Variants in TMPRSS11D observed in about 807,000 individuals in gnomAD.
TMPRSS11D encodes the protein transmembrane protease serine 11D.
A neutral mutation model predicts 44.4 loss-of-function variants in TMPRSS11D; 32 were observed. That is an observed-to-expected ratio of 0.72 (90% CI 0.54 to 0.97). The LOEUF is 0.97. TMPRSS11D is among the 50% of genes least tolerant of loss of function. The pLI, the probability that TMPRSS11D is intolerant of heterozygous loss-of-function variation, is 0.00. For missense variants in TMPRSS11D, 446 were observed against 502.6 expected (o/e 0.89, Z 1.08); for synonymous variants, 179 against 177.9 (o/e 1.01, Z -0.05).
At position 67,821,841 on chromosome 4, in the gene TMPRSS11D, A is replaced by G. The variant is rs1022096936; in HGVS notation, c.*496T>C. ...GACTCATACTAAGTATAAGATATTG[A>G]GTAACCAAAAATTTTAAATACATAT... On this transcript the variant is annotated 3_prime_UTR_variant, in exon 10 of 10. Transcript: ENST00000283916. The G allele has an allele frequency of 1.3e-5, 2 of 153,082 alleles. No homozygotes were observed. Among genetic ancestry groups the G allele is most frequent in the Non-Finnish European group, 2.9e-5 (2 of 68,670 alleles). The allele number at this position is 153,082 out of a possible 1,614,324, so 9.5% of individuals were successfully genotyped here.
intron 6 of TMPRSS11D, among the ~76,000 whole-genome samples, chr4:67,834,073 G>A (rs917613025): frequency 2.6e-5 from 4 of 152,162 alleles, no homozygotes; most frequent in Admixed American, 6.5e-5. Flanking sequence ...CAAAGAGCTC[G>A]TGAATAGTCT....
intron 5 of TMPRSS11D, among the ~76,000 whole-genome samples, chr4:67,836,326 T>G (rs1718088207): frequency 6.6e-6 from 1 of 152,184 alleles, no homozygotes; most frequent in Admixed American, 6.6e-5. Context: ...TTAGCTCATA[T>G]CCTTCCTTGA....
intron 6 of TMPRSS11D, among the ~76,000 whole-genome samples, chr4:67,834,524 A>G (rs1718027710): frequency 6.9e-6 from 1 of 144,772 alleles, no homozygotes; most frequent in African/African-American, 2.7e-5. Context: ...TTTTTTGGTC[A>G]GAGAAGTAAG....
Position 67,835,187 on chromosome 4 carries a change from T to G in TMPRSS11D, c.476-66A>C. On this transcript the variant is annotated intron_variant, in intron 5 of 9. Transcript: ENST00000283916. ...CTGATATCATTTCACCATAATTTCT[T>G]AAAGTACAGTACCCAGACAACAAGA... The G allele has an allele frequency of 2.1e-6, 3 of 1,410,306 alleles. No homozygotes were observed. The South Asian group carries it at 3.5e-5, about 17-fold the overall frequency. 87.4% of individuals were successfully genotyped at this position (1,410,306 alleles called of 1,614,324 possible). A position where few individuals can be genotyped will look rare whatever the true frequency, so the allele number is the denominator to read the frequency against.
intron 7 of TMPRSS11D, among the ~76,000 whole-genome samples, chr4:67,830,601 C>T (rs1402428071): frequency 1.3e-5 from 2 of 151,980 alleles, no homozygotes; most frequent in Non-Finnish European, 2.9e-5. Context: ...TATTAGAAAA[C>T]AAACAAACCT....
chr4:67,851,156 G>A (rs553488097), intron 3 of TMPRSS11D, among the ~76,000 whole-genome samples: 1 of 152,216 alleles, frequency 6.6e-6, no homozygotes, highest in Non-Finnish European at 1.5e-5. Flanking sequence ...TACTGTATGT[G>A]TCTGGGAGGA....
At chr4:67,824,137 G>GTTTTT (rs5859106) in intron 9 of TMPRSS11D, among the ~76,000 whole-genome samples, 1 of 143,776 alleles carries the variant, frequency 7.0e-6, no homozygotes. Flanking sequence ...AAAGTGCTGT[G>GTTTTT]TTTTTTTTTT....
chr4:67,879,954 C>A (rs1207239121), intron 1 of TMPRSS11D, among the ~76,000 whole-genome samples: 2 of 152,144 alleles, frequency 1.3e-5, no homozygotes, highest in Non-Finnish European at 2.9e-5. Context: ...AAATATTATA[C>A]AGCTATGAAC....
Position 67,859,732 on chromosome 4 carries a change from C to A in TMPRSS11D, c.9-54G>T. The A allele has an allele frequency of 2.5e-6, 4 of 1,602,190 alleles. 1 individual carries two copies. The highest frequency in any genetic ancestry group is 2.7e-5 in the African/African-American group (2 of 74,786). Reference sequence around the variant, plus strand: ...CATTCATTTCACTGATTTCATCCATCATTTTAGTGTTCATGATTGTCTTCT... The same window carrying A: ...CATTCATTTCACTGATTTCATCCATAATTTTAGTGTTCATGATTGTCTTCT... On this transcript the variant is annotated intron_variant, in intron 1 of 9. Transcript: ENST00000283916.
intron 1 of TMPRSS11D, among the ~76,000 whole-genome samples, chr4:67,879,128 T>C (rs1181439883): frequency 6.6e-6 from 1 of 151,930 alleles, no homozygotes; most frequent in Non-Finnish European, 1.5e-5. Flanking sequence ...AGGGAATCAT[T>C]AGCTTATGTA....
intron 1 of TMPRSS11D, 81 bp downstream of exon 1, chr4:67,883,845 T>C: frequency 8.3e-7 from 1 of 1,200,600 alleles, no homozygotes; most frequent in Non-Finnish European, 1.2e-6. Context: ...CAGTCAAAAT[T>C]TGCTAAGCTT....
chr4:67,826,636 T>C (rs184810264), intron 8 of TMPRSS11D, among the ~76,000 whole-genome samples: 32 of 152,132 alleles, frequency 2.1e-4, no homozygotes, highest in African/African-American at 7.5e-4. Context: ...TAAGGATTAT[T>C]AAGCCCTCAT....
At chr4:67,854,255 A>G (rs1718580659) in intron 2 of TMPRSS11D, 69 bp from the exon 3 acceptor site, 1 of 797,648 alleles carries the variant, frequency 1.3e-6, no homozygotes. Flanking sequence ...TTTATTCAGG[A>G]TTATGGGAGG....
chr4:67,875,855 A>G (rs1039359677), intron 1 of TMPRSS11D, among the ~76,000 whole-genome samples: 8 of 152,134 alleles, frequency 5.3e-5, no homozygotes, highest in Non-Finnish European at 1.5e-5. Context: ...GCAAGCACTG[A>G]CTGATTTGTT....
intron 3 of TMPRSS11D, among the ~76,000 whole-genome samples, chr4:67,852,414 T>C (rs1014463884): frequency 1.1e-4 from 16 of 152,130 alleles, no homozygotes; most frequent in Non-Finnish European, 2.4e-4. Flanking sequence ...ATTTTTGATT[T>C]AGTATGTCTT....
chr4:67,853,444 C>G (rs1718556170), intron 3 of TMPRSS11D, among the ~76,000 whole-genome samples: 1 of 151,964 alleles, frequency 6.6e-6, no homozygotes, highest in African/African-American at 2.4e-5. Flanking sequence ...ATTCTTAGGA[C>G]TTTTTTTTGA....
intron 3 of TMPRSS11D, among the ~76,000 whole-genome samples, chr4:67,851,505 C>A (rs757290184): frequency 6.6e-6 from 1 of 152,134 alleles, no homozygotes; most frequent in African/African-American, 2.4e-5. Flanking sequence ...CTGAGGGAGG[C>A]GCACCTCCTA....
intron 3 of TMPRSS11D, among the ~76,000 whole-genome samples, chr4:67,850,652 A>C (rs1379058020): frequency 6.6e-6 from 1 of 152,144 alleles, no homozygotes; most frequent in African/African-American, 2.4e-5. Flanking sequence ...TTATGTAGTA[A>C]AGGAGTGCAC....
At chr4:67,874,222 T>A (rs999248801) in intron 1 of TMPRSS11D, among the ~76,000 whole-genome samples, 1 of 152,182 alleles carries the variant, frequency 6.6e-6, no homozygotes, top group Non-Finnish European at 1.5e-5. Context: ...TACTCTATGA[T>A]GTCTGCATAA....
Sources: allele counts gnomAD v4.1 joint callset (sites outside exome capture counted in the v4.1 genomes callset), GRCh38; gene constraint gnomAD v4.1.1; transcripts MANE v1.5; gene names NCBI Gene and HGNC (gene_info 2026-07-23, HGNC 2026-07-21).